The following DGLUCY variants were observed in gnomAD, a reference collection of about 807,000 sequenced individuals.
DGLUCY encodes the protein D-glutamate cyclase, also known as D-glutamate cyclase, mitochondrial.
Under a neutral mutation model 58.5 loss-of-function variants are expected in DGLUCY, and 58 were observed. That is an observed-to-expected ratio of 0.99 (90% confidence interval 0.80 to 1.23). The LOEUF is 1.23. DGLUCY is among the 50% of genes most tolerant of loss of function. The probability of loss-of-function intolerance (pLI) is 0.00; values close to 1 mark genes in which losing one functional copy is unlikely to be tolerated. For missense variants in DGLUCY, 779 were observed against 784.7 expected (o/e 0.99, Z 0.09); for synonymous variants, 325 against 314.1 (o/e 1.03, Z -0.37).
rs1002471704 is a variant in DGLUCY, at chr14:91,222,887, G to T, written c.1717-1797G>T. ...AAGGTGCCAGTAGTTTTGATTCACT[G>T]GTGGGGACTCTCTTCCTGGCTTACA... is the stretch of plus-strand genomic sequence containing the variant. On this transcript the variant is annotated intron_variant, in intron 13 of 13. Coordinates refer to ENST00000256324, the MANE Select transcript of DGLUCY (RefSeq NM_001102368.3). Among the ~76,000 whole-genome samples, 15 of 152,184 alleles carry T rather than the reference G, an allele frequency of 9.9e-5. 1 individual carries two copies. The highest frequency in any genetic ancestry group is 2.9e-5 in the Non-Finnish European group (2 of 68,016).
At chr14:91,159,323 TG>T in intron 2 of DGLUCY, among the ~76,000 whole-genome samples, 1 of 152,170 alleles carries the variant, frequency 6.6e-6, no homozygotes, top group South Asian at 2.1e-4. Flanking sequence ...GGCACATACC[TG>T]TAATCCCAGA....
intron 2 of DGLUCY, among the ~76,000 whole-genome samples, chr14:91,158,440 G>A (rs1357421440): frequency 6.6e-6 from 1 of 152,110 alleles, no homozygotes; most frequent in African/African-American, 2.4e-5. Flanking sequence ...TCCTTCCAAA[G>A]CAATATTCTT....
rs141020857 is a variant in DGLUCY, at chr14:91,196,167, C to T, written c.1196-208C>T. On this transcript the variant is annotated intron_variant, in intron 9 of 13. Coordinates refer to ENST00000256324, the MANE Select transcript of DGLUCY (RefSeq NM_001102368.3). ...TGTGTTAGCCCGATTCTGCCCTCCA[C>T]CCCCGTCAACCCTAGAGTTTACCCA... 4.8e-3 allele frequency among the ~76,000 whole-genome samples: 735 copies of T among 152,284 alleles called. 4 individuals are homozygous for T. The highest frequency in any genetic ancestry group is 0.01 in the Middle Eastern group (3 of 294).
intron 13 of DGLUCY, among the ~76,000 whole-genome samples, chr14:91,217,569 C>A (rs562303026): frequency 2.0e-5 from 3 of 151,658 alleles, no homozygotes; most frequent in Non-Finnish European, 4.4e-5. Flanking sequence ...ACCGCAACCT[C>A]CACCCCCCAA....
At chr14:91,150,029 G>A (rs1566967583) in intron 1 of DGLUCY, among the ~76,000 whole-genome samples, 3 of 151,880 alleles carry the variant, frequency 2.0e-5, no homozygotes, top group Non-Finnish European at 2.9e-5. Context: ...GACCAGCCTG[G>A]CCAATATGGT....
At chr14:91,074,969 G>T (rs749372361) in intron 1 of DGLUCY, among the ~76,000 whole-genome samples, 1 of 152,024 alleles carries the variant, frequency 6.6e-6, no homozygotes, top group African/African-American at 2.4e-5. Context: ...CTATTCAGGA[G>T]GCTGAGGCAG....
intron 13 of DGLUCY, among the ~76,000 whole-genome samples, chr14:91,218,678 C>T (rs1886972068): frequency 6.6e-6 from 1 of 151,952 alleles, no homozygotes; most frequent in Non-Finnish European, 1.5e-5. Flanking sequence ...GCTGAGATTA[C>T]AGGCGTGAGC....
chr14:91,104,149 G>A (rs561097262), upstream of DGLUCY, among the ~76,000 whole-genome samples: 96 of 136,770 alleles, frequency 7.0e-4, no homozygotes, highest in Middle Eastern at 4.3e-3. Context: ...TGCAAGCTCC[G>A]CCTCCCGGGT....
rs577591272 is a variant in DGLUCY, at chr14:91,140,211, CCTT to C, written c.-81-17422_-81-17420del. ...TTCTCCTCTTCCCTTTCCTCCTCCT[CCTT>C]CTTCTCCTTCTTCACAACTCCTAAA... On this transcript the variant is annotated intron_variant, in intron 1 of 13. Transcript: ENST00000256324. Among the ~76,000 whole-genome samples, 140 of 152,286 alleles carry C rather than the reference CCTT, an allele frequency of 9.2e-4. 2 individuals carry two copies. The South Asian group carries it at 9.3e-3, about 10-fold the overall frequency.
At chr14:91,133,709 A>C (rs1263784359) in intron 1 of DGLUCY, among the ~76,000 whole-genome samples, 1 of 152,162 alleles carries the variant, frequency 6.6e-6, no homozygotes, top group East Asian at 1.9e-4. Context: ...TTTCTGAGGA[A>C]CAGCCATACT....
chr14:91,194,518 T>G (rs1595888300), intron 9 of DGLUCY, among the ~76,000 whole-genome samples: 2 of 147,748 alleles, frequency 1.4e-5, no homozygotes, highest in African/African-American at 5.0e-5. Flanking sequence ...GGAGGGGGGA[T>G]GGGGAAGGAG....
At chr14:91,201,200 C>G (rs1315166448) in intron 11 of DGLUCY, among the ~76,000 whole-genome samples, 1 of 152,132 alleles carries the variant, frequency 6.6e-6, no homozygotes, top group East Asian at 1.9e-4. Context: ...CTGGCATTTT[C>G]ACTTCTTTTG....
At chr14:91,119,282 A>G (rs969545006) in intron 1 of DGLUCY, among the ~76,000 whole-genome samples, 2 of 152,120 alleles carry the variant, frequency 1.3e-5, no homozygotes, top group African/African-American at 4.8e-5. Context: ...CTGTAGTGCG[A>G]AGAGGGGAGG....
intron 1 of DGLUCY, among the ~76,000 whole-genome samples, chr14:91,096,284 C>T (rs1197802452): frequency 3.3e-5 from 5 of 151,974 alleles, no homozygotes; most frequent in African/African-American, 7.3e-5. Context: ...TGTGGTGATG[C>T]GCACCTATAA....
At chr14:91,109,709 G>T (rs1285550503), upstream of DGLUCY, among the ~76,000 whole-genome samples, 1 of 152,166 alleles carries the variant, frequency 6.6e-6, no homozygotes, top group Non-Finnish European at 1.5e-5. Flanking sequence ...TAAAGGTACT[G>T]ATCCCATCAG....
intron 3 of DGLUCY, among the ~76,000 whole-genome samples, chr14:91,161,575 T>C (rs2047986061): frequency 6.6e-6 from 1 of 152,188 alleles, no homozygotes; most frequent in Non-Finnish European, 1.5e-5. Flanking sequence ...GCCTCTTCAA[T>C]AGTGGTCGCC....
intron 1 of DGLUCY, among the ~76,000 whole-genome samples, chr14:91,066,916 TA>T (rs76723225): frequency 3.6e-3 from 485 of 136,230 alleles, no homozygotes; most frequent in Middle Eastern, 7.3e-3. Context: ...CCGTCTCTAC[TA>T]AAAAAAAAAA....
chr14:91,102,446 C>G (rs1367047356), intron 1 of DGLUCY, among the ~76,000 whole-genome samples: 1 of 152,110 alleles, frequency 6.6e-6, no homozygotes. Flanking sequence ...TTGATTTCCA[C>G]CTGGTCTCAT....
chr14:91,214,754 G>A (rs1886252132), intron 12 of DGLUCY, among the ~76,000 whole-genome samples: 1 of 152,142 alleles, frequency 6.6e-6, no homozygotes, highest in Non-Finnish European at 1.5e-5. Flanking sequence ...GGAGACTGAG[G>A]CAGGGGGATC....
Sources: gnomAD v4.1 joint callset for allele counts (sites outside exome capture counted in the v4.1 genomes callset) on GRCh38, gnomAD v4.1.1 for gene constraint, MANE v1.5 for transcripts, NCBI Gene and HGNC (gene_info 2026-07-23, HGNC 2026-07-21) for gene names.